NRXN1: variants seen among roughly 807,000 people sequenced by gnomAD.
The protein encoded by NRXN1 is neurexin 1, also known as neurexin-1.
In NRXN1, 39 loss-of-function variants were observed where a neutral mutation model predicts 150.9. That is an observed-to-expected ratio of 0.26 (90% confidence interval 0.20 to 0.34). NRXN1 has a LOEUF of 0.34. Ranked by LOEUF, NRXN1 falls within the 10% of genes least tolerant of loss-of-function variation. The pLI is 1.00. For missense variants in NRXN1, 1,815 were observed against 1,949.9 expected, an observed-to-expected ratio of 0.93 and a Z score of 1.30; for synonymous variants, 924 against 757.0, an observed-to-expected ratio of 1.22 and a Z score of -3.62.
intron 18 of NRXN1, among the ~76,000 whole-genome samples, chr2:50,225,053 T>C (rs1356035673): frequency 1.3e-5 from 2 of 151,746 alleles, no homozygotes. Context: ...ACAGGAAAAA[T>C]GAATCCATTT....
chr2:50,369,721 T>C (rs1477058427), intron 17 of NRXN1, among the ~76,000 whole-genome samples: 4 of 152,022 alleles, frequency 2.6e-5, no homozygotes, highest in Admixed American at 6.6e-5. Context: ...AAATAACTTC[T>C]GACCTACAGC....
At chr2:50,107,539 A>ATATATATATATATATATATTT in intron 18 of NRXN1, among the ~76,000 whole-genome samples, 1 of 129,876 alleles carries the variant, frequency 7.7e-6, no homozygotes, top group East Asian at 2.3e-4. Context: ...ATATATATAT[A>ATATATATATATATATATATTT]TTTTTTTTTT....
At chr2:50,888,815 G>C (rs1259003647) in intron 5 of NRXN1, among the ~76,000 whole-genome samples, 1 of 151,546 alleles carries the variant, frequency 6.6e-6, no homozygotes, top group African/African-American at 2.4e-5. Flanking sequence ...ATGATAATTA[G>C]CACAAATCAT....
chr2:50,226,255 A>G (rs968852442), intron 18 of NRXN1, among the ~76,000 whole-genome samples: 1 of 151,992 alleles, frequency 6.6e-6, no homozygotes, highest in Non-Finnish European at 1.5e-5. Flanking sequence ...GAGACTGTTG[A>G]TTGCTTTTAT....
intron 5 of NRXN1, among the ~76,000 whole-genome samples, chr2:50,868,141 T>TTATATATATA (rs70958631): frequency 2.3e-4 from 20 of 87,718 alleles, no homozygotes; most frequent in Non-Finnish European, 3.4e-4. Context: ...AAACAAAATA[T>TTATATATATA]TATATATATA....
At chr2:49,991,686 A>G (rs1431077831) in intron 21 of NRXN1, among the ~76,000 whole-genome samples, 1 of 152,230 alleles carries the variant, frequency 6.6e-6, no homozygotes, top group Non-Finnish European at 1.5e-5. Context: ...TTATAGCTTC[A>G]ATGCAATCCC....
Position 50,165,753 on chromosome 2 carries a change from G to A in NRXN1, c.3546+71036C>T, listed in dbSNP as rs189013936. On this transcript the variant is annotated intron_variant, in intron 18 of 22. Transcript: ENST00000401669. Reference sequence around the variant, plus strand: ...ACAGGGCTTTTATGATGAACAAATCGGACAATACTTTTAGAAATGATGTCA... The same window carrying A: ...ACAGGGCTTTTATGATGAACAAATCAGACAATACTTTTAGAAATGATGTCA... Among the ~76,000 whole-genome samples the A allele has an allele frequency of 3.3e-5, 5 of 152,158 alleles. No individual in the cohort carries two copies. The East Asian group carries it at 5.8e-4, about 18-fold the overall frequency.
intron 22 of NRXN1, among the ~76,000 whole-genome samples, chr2:49,932,474 T>G (rs1274361416): frequency 1.3e-5 from 2 of 152,084 alleles, no homozygotes; most frequent in Non-Finnish European, 2.9e-5. Context: ...TTCCTTTTCC[T>G]TTTCCCCTTT....
At chr2:50,298,087 A>G (rs948343273) in intron 17 of NRXN1, among the ~76,000 whole-genome samples, 1 of 152,098 alleles carries the variant, frequency 6.6e-6, no homozygotes, top group East Asian at 1.9e-4. Context: ...TAAGATTAAT[A>G]AAAAGACAAA....
At chr2:50,193,315 G>T (rs2061559386) in intron 18 of NRXN1, among the ~76,000 whole-genome samples, 1 of 152,092 alleles carries the variant, frequency 6.6e-6, no homozygotes, top group Non-Finnish European at 1.5e-5. Context: ...ATCAAATTCA[G>T]CTGTTAAATA....
chr2:50,808,332 A>C (rs974442045), intron 5 of NRXN1, among the ~76,000 whole-genome samples: 1 of 152,134 alleles, frequency 6.6e-6, no homozygotes, highest in Non-Finnish European at 1.5e-5. Context: ...TTTATGGAAA[A>C]CTTTTTAGTT....
At chr2:51,017,503 CTTTTTTTTTTTTTTTTT>C (rs70958638) in intron 2 of NRXN1, among the ~76,000 whole-genome samples, 8 of 44,320 alleles carry the variant, frequency 1.8e-4, no homozygotes, top group Admixed American at 3.1e-4. Flanking sequence ...CCACATCTGG[CTTTTTTTTTTTTTTTTT>C]TTTTTTTTTT....
At chr2:50,505,589 T>C (rs760840701) in intron 13 of NRXN1, among the ~76,000 whole-genome samples, 7 of 152,164 alleles carry the variant, frequency 4.6e-5, no homozygotes, top group Non-Finnish European at 4.4e-5. Flanking sequence ...CCAAAACTAA[T>C]TGAACTCCAA....
chr2:50,993,381 CT>C (rs1164078694), intron 2 of NRXN1, among the ~76,000 whole-genome samples: 2 of 151,784 alleles, frequency 1.3e-5, no homozygotes, highest in East Asian at 3.9e-4. Context: ...AATTATAGTA[CT>C]TTTTTATTTA....
chr2:50,237,112 T>C lies in NRXN1; in HGVS notation c.3365-142A>G. On this transcript the variant is annotated intron_variant, in intron 17 of 22. Coordinates refer to ENST00000401669, the MANE Select transcript of NRXN1 (RefSeq NM_001330078.2). The stretch of plus-strand genomic sequence containing the variant: ...GTAAATCATAGATTTCAATCAAATG[T>C]GCTCAAGAAAGTGGACCAAGTTGTT... 5 of 888,754 alleles carry C rather than the reference T, an allele frequency of 5.6e-6. No homozygotes were observed. In the East Asian group the frequency reaches 7.8e-5, roughly 14 times the overall value. The allele number at this position is 888,754 out of a possible 1,614,324, so 55.1% of individuals were successfully genotyped here. A position where few individuals can be genotyped will look rare whatever the true frequency, so the allele number is the denominator to read the frequency against.
At chr2:50,960,731 A>G (rs907886429) in intron 2 of NRXN1, among the ~76,000 whole-genome samples, 9 of 152,052 alleles carry the variant, frequency 5.9e-5, no homozygotes, top group South Asian at 4.1e-4. Flanking sequence ...CTCTGGGCCT[A>G]TATCAGGGGA....
intron 17 of NRXN1, among the ~76,000 whole-genome samples, chr2:50,266,782 G>A (rs2068950836): frequency 6.6e-6 from 1 of 152,024 alleles, no homozygotes; most frequent in South Asian, 2.1e-4. Flanking sequence ...CTGTGAAGAA[G>A]GATGGTTTCT....
chr2:50,270,489 A>T (rs1325388894), intron 17 of NRXN1, among the ~76,000 whole-genome samples: 1 of 152,116 alleles, frequency 6.6e-6, no homozygotes, highest in Non-Finnish European at 1.5e-5. Flanking sequence ...TTTACTAATT[A>T]AATTGTTTAT....
chr2:50,130,312 C>G (rs1705282293), intron 18 of NRXN1, among the ~76,000 whole-genome samples: 1 of 152,060 alleles, frequency 6.6e-6, no homozygotes, highest in Non-Finnish European at 1.5e-5. Context: ...TGGTCACAGA[C>G]AAACAAGCAG....
Sources: gnomAD v4.1 joint callset for allele counts (sites outside exome capture counted in the v4.1 genomes callset) on GRCh38, gnomAD v4.1.1 for gene constraint, MANE v1.5 for transcripts, NCBI Gene and HGNC (gene_info 2026-07-23, HGNC 2026-07-21) for gene names.